Variants in NDRG4 observed in about 807,000 individuals in gnomAD.
NDRG4 encodes protein NDRG4.
A neutral mutation model predicts 55.8 loss-of-function variants in NDRG4; 38 were observed. That is an observed-to-expected ratio of 0.68 (90% CI 0.53 to 0.89). The LOEUF (loss-of-function observed/expected upper bound fraction) is 0.89, where lower values mean the gene tolerates loss of function less well. Ranked by LOEUF, NDRG4 falls within the 40% of genes least tolerant of loss-of-function variation. The pLI is 0.00. For missense variants in NDRG4, 455 were observed against 468.6 expected (o/e 0.97, Z 0.27); for synonymous variants, 190 against 182.7 (o/e 1.04, Z -0.32).
chr16:58,486,570 G>A (rs1444538773), intron 1 of NDRG4, among the ~76,000 whole-genome samples: 2 of 151,978 alleles, frequency 1.3e-5, no homozygotes, highest in East Asian at 3.9e-4. Flanking sequence ...TCTAGATTAT[G>A]TCCTTGGCTA....
At chr16:58,475,814 TCAGA>T (rs1486194681) in intron 1 of NDRG4, among the ~76,000 whole-genome samples, 4 of 151,774 alleles carry the variant, frequency 2.6e-5, no homozygotes, top group Admixed American at 2.0e-4. Context: ...CTTTTTTTTT[TCAGA>T]CAGAGTCTCA....
intron 1 of NDRG4, among the ~76,000 whole-genome samples, chr16:58,474,086 G>T (rs2033281447): frequency 7.3e-6 from 1 of 137,882 alleles, no homozygotes; most frequent in African/African-American, 2.7e-5. Context: ...ACCCAGGCTG[G>T]AGTCCAGTGG....
chr16:58,485,178 C>T (rs1331157772), intron 1 of NDRG4, among the ~76,000 whole-genome samples: 2 of 152,148 alleles, frequency 1.3e-5, no homozygotes, highest in African/African-American at 4.8e-5. Context: ...CCACCACGCC[C>T]GGCCCATAAC....
intron 1 of NDRG4, among the ~76,000 whole-genome samples, chr16:58,473,272 G>A (rs935363958): frequency 3.3e-5 from 5 of 151,800 alleles, no homozygotes; most frequent in African/African-American, 4.8e-5. Flanking sequence ...CGATCCTCAC[G>A]CCTCAGCCCC....
chr16:58,464,410 C>G lies in NDRG4; in HGVS notation c.-24+613C>G, dbSNP rs1232802957. 9.5e-6 allele frequency: 13 copies of G among 1,366,236 alleles called. No individual in the cohort carries two copies. The highest frequency in any genetic ancestry group is 1.2e-5 in the Non-Finnish European group (13 of 1,062,534). 84.6% of individuals were successfully genotyped at this position (1,366,236 alleles called of 1,614,324 possible). A position where few individuals can be genotyped will look rare whatever the true frequency, so the allele number is the denominator to read the frequency against. On this transcript the variant is annotated intron_variant, in intron 1 of 15. Transcript: ENST00000258187. This position sits in a 1 kb window ranked among gnomAD's most constrained non-coding sequence, Gnocchi z 4.8. ...CTGCCCCGACGCCGCCACCCAGAGC[C>G]GGGCCGCGCCGGGCGCCGAGATGAA...
In NDRG4 at chr16:58,511,935, G is replaced by A; in HGVS notation, c.*359G>A. ...TGTTTGGAGATGAGAGAGGCTTCGAGAGGGTGGGTGCTGGGCCACAGGGGT... is the reference window on the plus strand; with the variant it reads ...TGTTTGGAGATGAGAGAGGCTTCGAAAGGGTGGGTGCTGGGCCACAGGGGT... On this transcript the variant is annotated 3_prime_UTR_variant, in exon 15 of 15. Transcript: ENST00000570248. 1 of 451,010 alleles carries A rather than the reference G, an allele frequency of 2.2e-6. No individual in the cohort carries two copies. Among genetic ancestry groups the A allele is most frequent in the Non-Finnish European group, 4.4e-6 (1 of 228,946 alleles). The allele number at this position is 451,010 out of a possible 1,614,324, so 27.9% of individuals were successfully genotyped here.
chr16:58,484,850 A>G (rs1184990377), intron 1 of NDRG4, among the ~76,000 whole-genome samples: 1 of 149,230 alleles, frequency 6.7e-6, no homozygotes, highest in African/African-American at 2.5e-5. Context: ...CTTATAACTT[A>G]TCACACAGCT....
In NDRG4 at chr16:58,504,143, T is replaced by G; in HGVS notation, c.128-11T>G. ...CCTCTGCTCAGCCATAGTGGAAGTG[T>G]GTCTTTGCAGACAAACTATGCTTCA... On this transcript the variant is annotated splice_polypyrimidine_tract_variant and intron_variant, in intron 2 of 14. Transcript: ENST00000570248. The G allele has an allele frequency of 6.2e-7, 1 of 1,614,066 alleles. No homozygotes were observed. Among genetic ancestry groups the G allele is most frequent in the Non-Finnish European group, 8.5e-7 (1 of 1,180,010 alleles).
Position 58,510,634 on chromosome 16 carries a change from TTC to T in NDRG4, c.866-5_866-4del, listed in dbSNP as rs908522053. The T allele has an allele frequency of 2.7e-5, 42 of 1,535,744 alleles. No individual in the cohort carries two copies. The African/African-American group carries it at 3.7e-4, about 13-fold the overall frequency. Reference sequence around the variant, plus strand: ...TCCCCGCCCCCTCTCCGGCTCTGTCTTCTCTCTTAGTTGCGTACTTGAAGGAC... The same window carrying T: ...TCCCCGCCCCCTCTCCGGCTCTGTCTTCTCTTAGTTGCGTACTTGAAGGAC... On this transcript the variant is annotated splice_polypyrimidine_tract_variant and intron_variant, in intron 13 of 14. Coordinates refer to ENST00000570248, the MANE Select transcript of NDRG4 (RefSeq NM_001242835.2).
chr16:58,511,579 C>T lies in NDRG4; in HGVS notation c.*3C>T, dbSNP rs760408827. The stretch of plus-strand genomic sequence containing the variant: ...ACACCATGGAGGTGTCCTGTTGAAG[C>T]CCTTGATCCCGCTGACGACGCCCAC... On this transcript the variant is annotated 3_prime_UTR_variant, in exon 15 of 15. Coordinates refer to ENST00000570248, the MANE Select transcript of NDRG4 (RefSeq NM_001242835.2). 1 of 1,613,070 alleles carries T rather than the reference C, an allele frequency of 6.2e-7. No individual in the cohort carries two copies. The highest frequency in any genetic ancestry group is 1.7e-5 in the Admixed American group (1 of 60,032).
intron 1 of NDRG4, chr16:58,500,501 G>T: frequency 1.8e-6 from 1 of 562,988 alleles, no homozygotes; most frequent in Non-Finnish European, 3.1e-6. Flanking sequence ...CAGGGGCTGG[G>T]GGGAGCGTGT....
chr16:58,494,933 C>T (rs1396850640), intron 2 of NDRG4: 2 of 1,612,594 alleles, frequency 1.2e-6, no homozygotes, highest in South Asian at 1.1e-5. Context: ...CAGGGCCTAA[C>T]TTGCCACCCC....
intron 1 of NDRG4, chr16:58,501,790 A>C (rs1428966098): frequency 1.7e-5 from 6 of 347,022 alleles, no homozygotes; most frequent in Non-Finnish European, 2.9e-5. Context: ...CGGCCACACC[A>C]GGGCTGGGAG....
At chr16:58,506,184 T>C (rs762549093) in intron 5 of NDRG4, 1 of 605,116 alleles carries the variant, frequency 1.7e-6, no homozygotes, top group Non-Finnish European at 3.0e-6. Flanking sequence ...GTGGAAACAA[T>C]GATAGAGATT....
At chr16:58,487,829 G>A (rs570056086) in exon 2 of NDRG4, 3 of 1,542,370 alleles carry the variant, frequency 1.9e-6, no homozygotes, top group Admixed American at 4.0e-5. Flanking sequence ...CGCTGCTCCG[G>A]GGCCAGGACG....
At chr16:58,492,368 A>C (rs572747544) in intron 2 of NDRG4, among the ~76,000 whole-genome samples, 2 of 151,976 alleles carry the variant, frequency 1.3e-5, no homozygotes, top group Non-Finnish European at 2.9e-5. Flanking sequence ...GGGCCTCTGC[A>C]TGGGCTTCTA....
intron 10 of NDRG4, among the ~76,000 whole-genome samples, chr16:58,508,366 G>T (rs1175815332): frequency 6.6e-6 from 1 of 152,208 alleles, no homozygotes; most frequent in Admixed American, 6.5e-5. Flanking sequence ...GCATACAGCG[G>T]CACGGTCTCC....
intron 13 of NDRG4, among the ~76,000 whole-genome samples, chr16:58,509,721 G>C (rs190864766): frequency 6.6e-6 from 1 of 152,170 alleles, no homozygotes; most frequent in Non-Finnish European, 1.5e-5. Flanking sequence ...CCCCTCACCC[G>C]CCCCAGGGCT....
chr16:58,473,623 T>A (rs887252990), intron 1 of NDRG4, among the ~76,000 whole-genome samples: 6 of 151,918 alleles, frequency 3.9e-5, no homozygotes, highest in African/African-American at 1.5e-4. Flanking sequence ...CACCCTAACT[T>A]CTCTCTTCCT....
Sources: gnomAD v4.1 joint callset for allele counts (sites outside exome capture counted in the v4.1 genomes callset) on GRCh38, gnomAD v4.1.1 for gene constraint, Gnocchi (gnomAD v3.1) non-coding constraint, MANE v1.5 for transcripts, NCBI Gene and HGNC (gene_info 2026-07-23, HGNC 2026-07-21) for gene names.